The following ARHGAP5 variants were observed in gnomAD, a reference collection of about 807,000 sequenced individuals.
ARHGAP5 encodes the protein rho GTPase-activating protein 5.
ARHGAP5 carries 23 observed loss-of-function variants against 116.6 expected under a neutral mutation model. The ratio of observed to expected loss-of-function variants is 0.20; its 90% confidence interval spans 0.14 to 0.28. ARHGAP5 has a LOEUF of 0.28. Among genes scored for constraint, ARHGAP5 ranks in the 10% least tolerant of loss-of-function variants. ARHGAP5 has a pLI of 1.00. For synonymous variants in ARHGAP5, 574 were observed against 602.0 expected (o/e 0.95, Z 0.68); for missense variants, 1,405 against 1,774.8 (o/e 0.79, Z 3.74).
intron 2 of ARHGAP5, among the ~76,000 whole-genome samples, chr14:32,110,081 C>G (rs773978584): frequency 6.6e-6 from 1 of 152,006 alleles, no homozygotes; most frequent in Non-Finnish European, 1.5e-5. Flanking sequence ...GAAGAGACCT[C>G]AAGTATCTCT....
At position 32,140,395 on chromosome 14, in the gene ARHGAP5, C is replaced by G. The variant is rs1340742344; in HGVS notation, c.3866-5868C>G. Reference sequence around the variant, plus strand: ...AGGAGATCAAGACCATCCTGGCTAACACGGTGAAACCCCGTCTCGACTAAA... The same window carrying G: ...AGGAGATCAAGACCATCCTGGCTAAGACGGTGAAACCCCGTCTCGACTAAA... On this transcript the variant is annotated intron_variant, in intron 3 of 6. Coordinates refer to ENST00000345122, the MANE Select transcript of ARHGAP5 (RefSeq NM_001030055.2). Among the ~76,000 whole-genome samples the G allele has an allele frequency of 7.9e-5, 12 of 151,132 alleles. No homozygotes were observed. In the East Asian group the frequency reaches 2.3e-3, roughly 29 times the overall value.
chr14:32,150,321 G>A (rs1019906346), intron 5 of ARHGAP5, among the ~76,000 whole-genome samples: 1 of 152,126 alleles, frequency 6.6e-6, no homozygotes, highest in Admixed American at 6.5e-5. Flanking sequence ...TCAAACTTAA[G>A]GGCATTGTAA....
At chr14:32,153,496 T>C (rs1881753597) in intron 6 of ARHGAP5, among the ~76,000 whole-genome samples, 1 of 123,892 alleles carries the variant, frequency 8.1e-6, no homozygotes, top group East Asian at 2.7e-4. Flanking sequence ...TTTTTTGAGA[T>C]GGAGTCTTGC....
intron 2 of ARHGAP5, among the ~76,000 whole-genome samples, chr14:32,102,310 A>T (rs1436858881): frequency 1.3e-5 from 2 of 152,186 alleles, no homozygotes; most frequent in African/African-American, 4.8e-5. Context: ...GCCTTGAGTT[A>T]GGTCCTGCAC....
intron 2 of ARHGAP5, among the ~76,000 whole-genome samples, chr14:32,102,819 G>A (rs1878851088): frequency 6.6e-6 from 1 of 152,136 alleles, no homozygotes; most frequent in South Asian, 2.1e-4. Flanking sequence ...TTTGACTCAG[G>A]AAAACTCATT....
intron 2 of ARHGAP5, among the ~76,000 whole-genome samples, chr14:32,101,320 A>G (rs1182925140): frequency 6.6e-6 from 1 of 152,204 alleles, no homozygotes; most frequent in South Asian, 2.1e-4. Context: ...GTTAATATGT[A>G]TATATTGAGT....
At chr14:32,147,782 CGT>C (rs372106331) in intron 4 of ARHGAP5, among the ~76,000 whole-genome samples, 7 of 151,702 alleles carry the variant, frequency 4.6e-5, no homozygotes, top group Non-Finnish European at 8.8e-5. Flanking sequence ...TATTGAGTGG[CGT>C]GTGTGTGTGT....
intron 5 of ARHGAP5, among the ~76,000 whole-genome samples, chr14:32,151,409 ATACT>A (rs966129981): frequency 5.3e-5 from 8 of 152,266 alleles, no homozygotes; most frequent in Non-Finnish European, 1.2e-4. Context: ...AGTAAGTTAA[ATACT>A]TAAACTGCCT....
Position 32,091,621 on chromosome 14 carries a change from A to G in ARHGAP5, c.952A>G (p.Thr318Ala). 8 of 1,612,088 alleles carry G rather than the reference A, an allele frequency of 5.0e-6. No homozygotes were observed. Among genetic ancestry groups the G allele is most frequent in the East Asian group, 2.2e-5 (1 of 44,826 alleles). ...NLEGTRKARN[T>A]FSKHIEQLKQ... Reference sequence around the variant, plus strand: ...AGAGGGAACAAGAAAGGCCAGAAATACATTCTCAAAACATATAGAACAACT... The same window carrying G: ...AGAGGGAACAAGAAAGGCCAGAAATGCATTCTCAAAACATATAGAACAACT... Residue 318 changes from threonine (T) to alanine (A), a missense_variant, in exon 2 of 7, where the codon ACA becomes GCA. Transcript: ENST00000345122.
At chr14:32,142,351 A>G (rs567086681) in intron 3 of ARHGAP5, among the ~76,000 whole-genome samples, 1 of 152,286 alleles carries the variant, frequency 6.6e-6, no homozygotes, top group South Asian at 2.1e-4. Flanking sequence ...AGATTATAAT[A>G]TGGCAGCTCT....
intron 3 of ARHGAP5, among the ~76,000 whole-genome samples, chr14:32,129,815 A>G (rs534008651): frequency 9.9e-5 from 15 of 152,174 alleles, no homozygotes; most frequent in African/African-American, 3.6e-4. Flanking sequence ...CAAAACCTCA[A>G]CTTTGGTTAA....
chr14:32,099,401 A>C (rs1279920186), intron 2 of ARHGAP5, among the ~76,000 whole-genome samples: 2 of 152,220 alleles, frequency 1.3e-5, no homozygotes, highest in African/African-American at 4.8e-5. Flanking sequence ...AATACAGACG[A>C]TTGCTTAACA....
At position 32,093,554 on chromosome 14, in the gene ARHGAP5, A is replaced by G; in HGVS notation, c.2885A>G (p.Glu962Gly). The G allele has an allele frequency of 6.2e-7, 1 of 1,613,932 alleles. No homozygotes were observed. The highest frequency in any genetic ancestry group is 1.3e-5 in the African/African-American group (1 of 75,036). Reference protein sequence around the residue: ...DNTRESTHQSEDVFLPSPRDC... With the variant: ...DNTRESTHQSGDVFLPSPRDC... ...ACAAGGGAATCAACCCATCAAAGTG[A>G]AGATGTTTTTCTACCATCTCCCAGA... Residue 962 changes from glutamate (E) to glycine (G), a missense_variant, in exon 2 of 7, where the codon GAA becomes GGA. Glu to Gly is a moderately conservative substitution (Grantham distance 98, BLOSUM62 -2). This residue lies in a region of ARHGAP5 where 944 missense variants were observed against 1,095.3 expected (regional missense o/e 0.86). Transcript: ENST00000345122.
At chr14:32,118,852 G>C (rs1172005209) in intron 3 of ARHGAP5, among the ~76,000 whole-genome samples, 1 of 152,120 alleles carries the variant, frequency 6.6e-6, no homozygotes, top group Admixed American at 6.5e-5. Context: ...TAAAATTATA[G>C]ATTAGTGTTT....
intron 3 of ARHGAP5, among the ~76,000 whole-genome samples, chr14:32,137,301 CT>C (rs1880855191): frequency 6.7e-6 from 1 of 150,058 alleles, no homozygotes; most frequent in African/African-American, 2.5e-5. Flanking sequence ...ATTCGCCTGT[CT>C]CTGCACTATT....
At chr14:32,146,212 T>G in intron 3 of ARHGAP5, 51 bp from the exon 4 acceptor site, 2 of 1,329,632 alleles carry the variant, frequency 1.5e-6, no homozygotes, top group Non-Finnish European at 2.2e-6. Context: ...TGCCCAGCCG[T>G]GTGGATATAT....
intron 2 of ARHGAP5, among the ~76,000 whole-genome samples, chr14:32,104,305 T>C (rs1878913047): frequency 6.6e-6 from 1 of 152,232 alleles, no homozygotes; most frequent in Non-Finnish European, 1.5e-5. Flanking sequence ...ACATATATAA[T>C]ATATGTTGAA....
At chr14:32,130,108 T>A (rs1880394182) in intron 3 of ARHGAP5, among the ~76,000 whole-genome samples, 1 of 151,110 alleles carries the variant, frequency 6.6e-6, no homozygotes, top group Non-Finnish European at 1.5e-5. Flanking sequence ...TGTAATAAAA[T>A]ATATATATAT....
At chr14:32,138,419 G>A (rs1428724481) in intron 3 of ARHGAP5, among the ~76,000 whole-genome samples, 1 of 152,136 alleles carries the variant, frequency 6.6e-6, no homozygotes, top group Non-Finnish European at 1.5e-5. Flanking sequence ...GAGTAGCTGG[G>A]ATTACAGGTG....
Sources: gnomAD v4.1 joint callset for allele counts (sites outside exome capture counted in the v4.1 genomes callset) on GRCh38, gnomAD v4.1.1 for gene constraint, gnomAD v4.1.1 regional missense constraint, MANE v1.5 for transcripts, NCBI Gene and HGNC (gene_info 2026-07-23, HGNC 2026-07-21) for gene names.